SYBU: variants seen among roughly 807,000 people sequenced by gnomAD.
The protein encoded by SYBU is GOLSYN A protein.
SYBU carries 21 observed loss-of-function variants against 35.9 expected under a neutral mutation model. The observed-to-expected ratio is 0.58, with a 90% CI of 0.41 to 0.84. The LOEUF (loss-of-function observed/expected upper bound fraction) is 0.84, where lower values mean the gene tolerates loss of function less well. SYBU is among the 40% of genes least tolerant of loss of function. The pLI is 0.00. For synonymous variants in SYBU, 319 were observed against 324.3 expected (o/e 0.98, Z 0.18); for missense variants, 768 against 848.2 (o/e 0.91, Z 1.17).
intron 3 of SYBU, among the ~76,000 whole-genome samples, chr8:109,596,080 T>C (rs1258547842): frequency 6.6e-6 from 1 of 152,194 alleles, no homozygotes; most frequent in East Asian, 1.9e-4. Flanking sequence ...CGTGCCCTTC[T>C]TGATCTCCAT....
At chr8:109,641,591 T>C (rs1184397681) in intron 2 of SYBU, among the ~76,000 whole-genome samples, 2 of 152,240 alleles carry the variant, frequency 1.3e-5, no homozygotes, top group Non-Finnish European at 2.9e-5. Flanking sequence ...TACTAAACCA[T>C]AAGGCCAGGC....
At chr8:109,686,004 C>T (rs767952020), upstream of SYBU, among the ~76,000 whole-genome samples, 10 of 152,160 alleles carry the variant, frequency 6.6e-5, no homozygotes, top group African/African-American at 2.2e-4. Flanking sequence ...TTTGTCAATT[C>T]GTCCTACAAG....
chr8:109,577,540 C>T (rs750626396), intron 6 of SYBU, among the ~76,000 whole-genome samples: 5 of 151,890 alleles, frequency 3.3e-5, no homozygotes, highest in East Asian at 2.0e-4. Context: ...TGTTCCCGCA[C>T]GTGTTTTTGC....
rs747531638 is a variant in SYBU, at chr8:109,575,034, C to A, written c.1864G>T (p.Val622Phe). 4.4e-6 allele frequency: 7 copies of A among 1,606,210 alleles called. No homozygotes were observed. The highest frequency in any genetic ancestry group is 6.0e-6 in the Non-Finnish European group (7 of 1,175,330). The change falls in exon 7 of 7, where the codon GTT (valine) becomes TTT (phenylalanine). Residue 622 changes from valine to phenylalanine, a missense_variant. Coordinates refer to ENST00000276646, the MANE Select transcript of SYBU (RefSeq NM_001099754.2). ...CTCTGAGTACTGAATGCCCACAGAA[C>A]CGTGGGGACCACGGGGGCAGCCACA... ...LAVAAPVVPT[V>F]LWAFSTQRGG...
At position 109,614,835 on chromosome 8, in the gene SYBU, G is replaced by A. The variant is rs143420226; in HGVS notation, c.427+4007C>T. Among the ~76,000 whole-genome samples, 499 of 152,348 alleles carry A rather than the reference G, an allele frequency of 3.3e-3. 3 individuals carry two copies. The highest frequency in any genetic ancestry group is 0.011 in the African/African-American group (445 of 41,580). On this transcript the variant is annotated intron_variant, in intron 3 of 6. Transcript: ENST00000276646. ...AATTAAATCTGCATAGGCATTAAGT[G>A]ATAGAAGCCAAAATGACAGAAGGCT...
Position 109,644,785 on chromosome 8 carries a change from T to C in SYBU, c.-126A>G. The C allele has an allele frequency of 2.1e-6, 2 of 953,038 alleles. No individual in the cohort carries two copies. The highest frequency in any genetic ancestry group is 2.6e-5 in the South Asian group (1 of 38,000). 59.0% of individuals were successfully genotyped at this position (953,038 alleles called of 1,614,324 possible). ...TGCGGGCGGCGGCTCTTGGTGAGGC[T>C]CCAACGCGCCGCCGCCGCCACTGCC... On this transcript the variant is annotated 5_prime_UTR_variant, in exon 1 of 7. Transcript: ENST00000276646.
At chr8:109,656,879 T>A (rs1816375723) in intron 1 of SYBU, among the ~76,000 whole-genome samples, 2 of 152,128 alleles carry the variant, frequency 1.3e-5, no homozygotes, top group South Asian at 4.1e-4. Flanking sequence ...TTTTAAATAT[T>A]AAAATCAAAT....
At chr8:109,618,792 T>C in intron 3 of SYBU, 50 bp downstream of exon 3, 1 of 1,540,022 alleles carries the variant, frequency 6.5e-7, no homozygotes, top group Non-Finnish European at 9.0e-7. Context: ...AACATGAAAC[T>C]ACTCCCATCA....
At chr8:109,582,657 G>GTCA in intron 4 of SYBU, among the ~76,000 whole-genome samples, 1 of 152,122 alleles carries the variant, frequency 6.6e-6, no homozygotes, top group East Asian at 1.9e-4. Flanking sequence ...CATCATCATC[G>GTCA]TCATCATCAT....
Position 109,575,630 on chromosome 8 carries a change from T to C in SYBU, c.1268A>G (p.Glu423Gly), listed in dbSNP as rs767064145. 6.2e-7 allele frequency: 1 copy of C among 1,613,958 alleles called. No homozygotes were observed. Among genetic ancestry groups the C allele is most frequent in the South Asian group, 1.1e-5 (1 of 91,068 alleles). Reference sequence around the variant, plus strand: ...TACCAGTAGCTCCCTGTCAGCCCCTTCCCCCGTGACCTGCTCTTCCAGAGA... The same window carrying C: ...TACCAGTAGCTCCCTGTCAGCCCCTCCCCCCGTGACCTGCTCTTCCAGAGA... ...GLSLEEQVTG[E>G]GADRELLVGD... Residue 423 changes from glutamate to glycine, a missense_variant, in exon 7 of 7, where the codon GAA becomes GGA. Physicochemically the swap from Glu to Gly is moderately conservative, Grantham distance 98 (BLOSUM62 -2). Coordinates refer to ENST00000276646, the MANE Select transcript of SYBU (RefSeq NM_001099754.2).
chr8:109,680,223 A>G (rs1817352326), intron 1 of SYBU: 1 of 152,236 alleles, frequency 6.6e-6, no homozygotes, highest in Admixed American at 6.5e-5. Flanking sequence ...CAAAATTATT[A>G]TATAATCTGG....
chr8:109,645,633 G>GTTTTTTTTTTTTTTTTTTTTTTTTTTTT (rs77642059), upstream of SYBU: 1 of 217,766 alleles, frequency 4.6e-6, no homozygotes, highest in African/African-American at 2.7e-5. Flanking sequence ...TTCGTTTTTT[G>GTTTTTTTTTTTTTTTTTTTTTTTTTTTT]TTTTTTTTTT....
intron 3 of SYBU, among the ~76,000 whole-genome samples, chr8:109,611,461 A>C (rs1353381125): frequency 6.6e-6 from 1 of 152,202 alleles, no homozygotes; most frequent in Non-Finnish European, 1.5e-5. Context: ...AAGTCCACTT[A>C]TCACATTTAA....
intron 3 of SYBU, among the ~76,000 whole-genome samples, chr8:109,598,797 T>C (rs1825176168): frequency 1.3e-5 from 2 of 152,266 alleles, no homozygotes; most frequent in African/African-American, 4.8e-5. Flanking sequence ...AATGGCTTGT[T>C]ATGTTCACAC....
intron 1 of SYBU, among the ~76,000 whole-genome samples, chr8:109,677,823 A>C (rs1817245156): frequency 6.6e-6 from 1 of 152,140 alleles, no homozygotes; most frequent in African/African-American, 2.4e-5. Context: ...GAATAACTCA[A>C]ACACAACTTT....
chr8:109,604,136 A>G (rs1825828667), intron 3 of SYBU, among the ~76,000 whole-genome samples: 1 of 152,214 alleles, frequency 6.6e-6, no homozygotes, highest in Non-Finnish European at 1.5e-5. Context: ...AGACAGGTTC[A>G]CATTCTAGTA....
upstream of SYBU, among the ~76,000 whole-genome samples, chr8:109,683,264 G>C (rs978989993): frequency 1.3e-5 from 2 of 152,228 alleles, no homozygotes; most frequent in African/African-American, 4.8e-5. Flanking sequence ...CAGGAGTTGG[G>C]CTGTCTCATG....
At chr8:109,624,425 T>C (rs552571368) in intron 2 of SYBU, among the ~76,000 whole-genome samples, 6 of 152,338 alleles carry the variant, frequency 3.9e-5, no homozygotes, top group African/African-American at 1.4e-4. Context: ...AGCATTCTGG[T>C]TAATGAAAAC....
intron 5 of SYBU, among the ~76,000 whole-genome samples, chr8:109,578,283 T>G (rs933363961): frequency 3.9e-5 from 6 of 152,150 alleles, no homozygotes; most frequent in African/African-American, 1.4e-4. Context: ...TGAGGATACA[T>G]TAAGAGGTCA....
Sources: gnomAD v4.1 joint callset for allele counts (sites outside exome capture counted in the v4.1 genomes callset) on GRCh38, gnomAD v4.1.1 for gene constraint, MANE v1.5 for transcripts, NCBI Gene and HGNC (gene_info 2026-07-23, HGNC 2026-07-21) for gene names.